ROR2: variants seen among roughly 807,000 people sequenced by gnomAD.
The protein encoded by ROR2 is ROR family WNT receptor 2.
In ROR2, 33 loss-of-function variants were observed where a neutral mutation model predicts 74.9. That is an observed-to-expected ratio of 0.44 (90% CI 0.33 to 0.59). The LOEUF is 0.59. Ranked by LOEUF, ROR2 falls within the 20% of genes least tolerant of loss-of-function variation. The pLI, the probability that ROR2 is intolerant of heterozygous loss-of-function variation, is 0.02. For synonymous variants in ROR2, 586 were observed against 558.7 expected (o/e 1.05, Z -0.69); for missense variants, 1,216 against 1,313.8 (o/e 0.93, Z 1.15).
At chr9:91,837,539 G>GC (rs1339316708) in intron 1 of ROR2, among the ~76,000 whole-genome samples, 1 of 152,208 alleles carries the variant, frequency 6.6e-6, no homozygotes, top group Non-Finnish European at 1.5e-5. Flanking sequence ...CAATCCCCCT[G>GC]CTCTTTGCAC....
intron 1 of ROR2, among the ~76,000 whole-genome samples, chr9:91,777,013 C>G (rs553417319): frequency 6.6e-6 from 1 of 152,182 alleles, no homozygotes; most frequent in Non-Finnish European, 1.5e-5. Context: ...AATTTCACTT[C>G]CTCTGCCAGT....
chr9:91,724,463 G>C lies in ROR2; in HGVS notation c.2031C>G (p.Ser677=), dbSNP rs1158029331. Residue 677 remains serine, a synonymous_variant, in exon 9 of 9, where the codon TCC becomes TCG. Transcript: ENST00000375708. ...AGACCTCCCACAGGACCACACCGTA[G>C]GACCAGATGTCTGAGTCGATGGAGA... ...GKFSIDSDIW[S]YGVVLWEVFS... 4 of 1,614,192 alleles carry C rather than the reference G, an allele frequency of 2.5e-6. No individual in the cohort carries two copies. In the East Asian group the frequency reaches 8.9e-5, roughly 36 times the overall value.
chr9:91,876,858 A>T (rs1423371281), intron 1 of ROR2, among the ~76,000 whole-genome samples: 2 of 152,176 alleles, frequency 1.3e-5, no homozygotes, highest in East Asian at 1.9e-4. Context: ...ACAGAAAAAA[A>T]GTGGGAGAGA....
At chr9:91,891,659 G>T (rs1830423235) in intron 1 of ROR2, among the ~76,000 whole-genome samples, 1 of 152,170 alleles carries the variant, frequency 6.6e-6, no homozygotes, top group South Asian at 2.1e-4. Context: ...TTGGTTGCAG[G>T]ACTGCATCCC....
At chr9:91,740,585 T>C (rs142209460) in intron 4 of ROR2, among the ~76,000 whole-genome samples, 3,555 of 150,760 alleles carry the variant, frequency 0.024, 70 homozygotes, top group Non-Finnish European at 0.037. Context: ...TGTATATATA[T>C]ATATACATAT....
At chr9:91,913,638 A>AATGG (rs1831048267) in intron 1 of ROR2, among the ~76,000 whole-genome samples, 1 of 152,152 alleles carries the variant, frequency 6.6e-6, no homozygotes, top group Non-Finnish European at 1.5e-5. Flanking sequence ...TTCAACCTCT[A>AATGG]ATGGATTTAC....
intron 1 of ROR2, among the ~76,000 whole-genome samples, chr9:91,914,744 T>TCAAAG (rs1403640122): frequency 6.6e-6 from 1 of 152,150 alleles, no homozygotes; most frequent in Non-Finnish European, 1.5e-5. Context: ...CAACCGTGAT[T>TCAAAG]GCCACGGCAG....
chr9:91,855,375 G>T (rs1450914407), intron 1 of ROR2, among the ~76,000 whole-genome samples: 2 of 152,264 alleles, frequency 1.3e-5, no homozygotes, highest in African/African-American at 4.8e-5. Flanking sequence ...TCAGCCCAGA[G>T]AGATCAGGGC....
chr9:91,789,355 T>C (rs192373507), intron 1 of ROR2, among the ~76,000 whole-genome samples: 13 of 152,338 alleles, frequency 8.5e-5, no homozygotes, highest in Non-Finnish European at 1.3e-4. Flanking sequence ...AGGAATTTTA[T>C]TCACATGAAG....
rs563118727 is a variant in ROR2, at chr9:91,934,319, C to T, written c.97+15548G>A. ...TTACAGAAGTCCCTTTTGATCATAC[C>T]CCAGCACCAGGAGGGGCCACTTAGA... On this transcript the variant is annotated intron_variant, in intron 1 of 8. Transcript: ENST00000375708. Among the ~76,000 whole-genome samples, 476 of 151,894 alleles carry T rather than the reference C, an allele frequency of 3.1e-3. 4 individuals are homozygous for T. The highest frequency in any genetic ancestry group is 5.0e-3 in the Admixed American group (76 of 15,250).
intron 1 of ROR2, among the ~76,000 whole-genome samples, chr9:91,860,132 G>C (rs992616815): frequency 1.3e-5 from 2 of 152,218 alleles, no homozygotes; most frequent in African/African-American, 4.8e-5. Flanking sequence ...CTCGGTTCCA[G>C]GCCCTTCCCA....
intron 1 of ROR2, among the ~76,000 whole-genome samples, chr9:91,867,723 G>A (rs1829680905): frequency 6.9e-6 from 1 of 145,380 alleles, no homozygotes; most frequent in South Asian, 2.2e-4. Flanking sequence ...AGCAGATGTT[G>A]AGAACAGAAC....
intron 1 of ROR2, among the ~76,000 whole-genome samples, chr9:91,853,448 T>C (rs1829177801): frequency 6.6e-6 from 1 of 152,080 alleles, no homozygotes; most frequent in African/African-American, 2.4e-5. Context: ...TCCACATAGA[T>C]GGCCTTTGCA....
Position 91,724,985 on chromosome 9 carries a change from A to G in ROR2, c.1509T>C (p.Ala503=). The G allele has an allele frequency of 1.2e-6, 2 of 1,613,780 alleles. No individual in the cohort carries two copies. Among genetic ancestry groups the G allele is most frequent in the Non-Finnish European group, 1.7e-6 (2 of 1,180,032 alleles). ...TGTCCTTCAGCGTTTTGATGGCCAC[A>G]GCCTGGGTCTGCTCCCCCGGGGCAG... ...FGPAPGEQTQ[A]VAIKTLKDKA... is the part of the protein sequence containing the mutation. The change falls in exon 9 of 9, where the codon GCT becomes GCC. Residue 503 remains alanine (A), a synonymous_variant. Coordinates refer to ENST00000375708, the MANE Select transcript of ROR2 (RefSeq NM_004560.4).
intron 7 of ROR2, among the ~76,000 whole-genome samples, chr9:91,730,196 G>T (rs375685542): frequency 6.6e-6 from 1 of 152,140 alleles, no homozygotes; most frequent in African/African-American, 2.4e-5. Context: ...ACCCGTCTTG[G>T]CCTCCCAAAG....
At chr9:91,918,349 C>T (rs1056310724) in intron 1 of ROR2, among the ~76,000 whole-genome samples, 1 of 150,798 alleles carries the variant, frequency 6.6e-6, no homozygotes, top group Non-Finnish European at 1.5e-5. Flanking sequence ...GATCTGAAGC[C>T]ACCCCAACCC....
At chr9:91,751,248 T>G (rs2118814996) in intron 4 of ROR2, among the ~76,000 whole-genome samples, 1 of 152,336 alleles carries the variant, frequency 6.6e-6, no homozygotes, top group South Asian at 2.1e-4. Context: ...ACTCACAGAA[T>G]GGAATACTGT....
intron 1 of ROR2, among the ~76,000 whole-genome samples, chr9:91,847,729 C>T (rs1235341339): frequency 6.6e-6 from 1 of 152,136 alleles, no homozygotes; most frequent in African/African-American, 2.4e-5. Flanking sequence ...TGGATCCTGC[C>T]CTTGCCGGCC....
At chr9:91,899,042 C>T (rs1460874611) in intron 1 of ROR2, among the ~76,000 whole-genome samples, 1 of 152,170 alleles carries the variant, frequency 6.6e-6, no homozygotes, top group Non-Finnish European at 1.5e-5. Flanking sequence ...AATGGCAGCC[C>T]GCTTCAGCAC....
Sources: gnomAD v4.1 joint callset for allele counts (sites outside exome capture counted in the v4.1 genomes callset) on GRCh38, gnomAD v4.1.1 for gene constraint, MANE v1.5 for transcripts, NCBI Gene and HGNC (gene_info 2026-07-23, HGNC 2026-07-21) for gene names.